Variants in LRRTM4 observed in about 807,000 individuals in gnomAD.
The protein encoded by LRRTM4 is leucine-rich repeat transmembrane neuronal protein 4.
LRRTM4 carries 25 observed loss-of-function variants against 47.6 expected under a neutral mutation model. The ratio of observed to expected loss-of-function variants is 0.53; its 90% CI spans 0.38 to 0.73. LRRTM4 has a LOEUF of 0.73. LRRTM4 is among the 30% of genes least tolerant of loss of function. LRRTM4 has a pLI of 0.00. For missense variants in LRRTM4, 638 were observed against 713.4 expected (o/e 0.89, Z 1.20); for synonymous variants, 311 against 269.5 (o/e 1.15, Z -1.51).
intron 3 of LRRTM4, among the ~76,000 whole-genome samples, chr2:77,092,427 C>T (rs1014782097): frequency 6.8e-6 from 1 of 148,112 alleles, no homozygotes; most frequent in Non-Finnish European, 1.5e-5. Flanking sequence ...GTACAAGCCA[C>T]TAGCCTGCCT....
At chr2:77,248,420 T>C (rs542531353) in intron 3 of LRRTM4, among the ~76,000 whole-genome samples, 22 of 152,126 alleles carry the variant, frequency 1.4e-4, no homozygotes, top group African/African-American at 5.1e-4. Flanking sequence ...TGCAGAGATA[T>C]TCCATGTTTA....
chr2:76,793,036 T>C lies in LRRTM4; in HGVS notation c.1552-44120A>G, dbSNP rs192622920. 4.6e-3 allele frequency among the ~76,000 whole-genome samples: 696 copies of C among 152,278 alleles called. 5 individuals carry two copies. The highest frequency in any genetic ancestry group is 5.9e-3 in the Non-Finnish European group (404 of 68,012). ...CTACTACTCTGAAAATATTACACAC[T>C]TGCCAGTGAGAAAAATCAAGGCTTT... On this transcript the variant is annotated intron_variant, in intron 3 of 3. Transcript: ENST00000409884.
At chr2:77,224,389 A>G (rs1299272766) in intron 3 of LRRTM4, among the ~76,000 whole-genome samples, 2 of 152,214 alleles carry the variant, frequency 1.3e-5, no homozygotes, top group Non-Finnish European at 1.5e-5. Flanking sequence ...GAGCTTCTGC[A>G]CAGCAAAAGA....
At chr2:77,048,363 A>G (rs1558548845) in intron 3 of LRRTM4, among the ~76,000 whole-genome samples, 1 of 152,062 alleles carries the variant, frequency 6.6e-6, no homozygotes. Context: ...AAGTTTTAGC[A>G]TGAATTATTT....
At position 77,522,205 on chromosome 2, in the gene LRRTM4, T is replaced by C; in HGVS notation, c.-244A>G. 1 of 698,420 alleles carries C rather than the reference T, an allele frequency of 1.4e-6. No individual in the cohort carries two copies. Among genetic ancestry groups the C allele is most frequent in the South Asian group, 1.5e-5 (1 of 65,650 alleles). The allele number at this position is 698,420 out of a possible 1,614,324, so 43.3% of individuals were successfully genotyped here. A position where few individuals can be genotyped will look rare whatever the true frequency, so the allele number is the denominator to read the frequency against. On this transcript the variant is annotated 5_prime_UTR_variant, in exon 1 of 4. In the 5' UTR this introduces an upstream ATG that the reference lacks. Transcript: ENST00000409884. Reference sequence around the variant, plus strand: ...TGAAGCAAGTAGGCCTCCTGTGCTGTATGAGACCCCAGTTTAAAAGCTATG... The same window carrying C: ...TGAAGCAAGTAGGCCTCCTGTGCTGCATGAGACCCCAGTTTAAAAGCTATG...
intron 3 of LRRTM4, among the ~76,000 whole-genome samples, chr2:77,240,745 A>T (rs1675236364): frequency 6.6e-6 from 1 of 152,022 alleles, no homozygotes; most frequent in Non-Finnish European, 1.5e-5. Context: ...ATCAAATTGT[A>T]TTGCATTTTT....
At chr2:77,251,676 C>T (rs1001967266) in intron 3 of LRRTM4, among the ~76,000 whole-genome samples, 1 of 152,050 alleles carries the variant, frequency 6.6e-6, no homozygotes, top group East Asian at 1.9e-4. Context: ...ATATAATAGC[C>T]AAGGCCATGG....
chr2:77,063,272 T>C (rs1437047712), intron 3 of LRRTM4, among the ~76,000 whole-genome samples: 3 of 152,168 alleles, frequency 2.0e-5, no homozygotes, highest in East Asian at 1.9e-4. Flanking sequence ...CTTGTTCTTT[T>C]TATGGTAGCA....
At chr2:77,241,015 C>G (rs1370029206) in intron 3 of LRRTM4, among the ~76,000 whole-genome samples, 2 of 151,642 alleles carry the variant, frequency 1.3e-5, no homozygotes, top group Non-Finnish European at 2.9e-5. Context: ...CATTTTTAAC[C>G]AAATCATATT....
rs75002867 is a variant in LRRTM4, at chr2:77,228,879, A to C, written c.1551+289439T>G. On this transcript the variant is annotated intron_variant, in intron 3 of 3. Transcript: ENST00000409884. The stretch of plus-strand genomic sequence containing the variant: ...GAATAAGTGTGCATGAGGGATCCAC[A>C]CATCTGTTACCTCTCCTGTCTCCCA... 6.1e-3 allele frequency among the ~76,000 whole-genome samples: 922 copies of C among 152,268 alleles called. 6 individuals are homozygous for C. Among genetic ancestry groups the C allele is most frequent in the South Asian group, 0.011 (52 of 4,830 alleles).
Position 76,790,869 on chromosome 2 carries a change from G to A in LRRTM4, c.1552-41953C>T, listed in dbSNP as rs570814934. Among the ~76,000 whole-genome samples, 5 of 152,262 alleles carry A rather than the reference G, an allele frequency of 3.3e-5. No homozygotes were observed. The East Asian group carries it at 9.7e-4, about 29-fold the overall frequency. On this transcript the variant is annotated intron_variant, in intron 3 of 3. Coordinates refer to ENST00000409884, the MANE Select transcript of LRRTM4 (RefSeq NM_001134745.3). ...TACTAGAAAACATGATGTAGGCAAT[G>A]ATGCTGTCTGACTGAATCCCACAGC... is the stretch of plus-strand genomic sequence containing the variant.
chr2:76,781,007 G>T (rs1393789854), intron 3 of LRRTM4, among the ~76,000 whole-genome samples: 1 of 152,252 alleles, frequency 6.6e-6, no homozygotes, highest in African/African-American at 2.4e-5. Flanking sequence ...AGGTCTGTTG[G>T]AATACCCTGC....
chr2:77,218,852 T>G (rs1171156663), intron 3 of LRRTM4, among the ~76,000 whole-genome samples: 1 of 152,186 alleles, frequency 6.6e-6, no homozygotes, highest in African/African-American at 2.4e-5. Context: ...CTGAGCATTG[T>G]TGATGCTGAG....
chr2:77,020,645 T>G lies in LRRTM4; in HGVS notation c.1552-271729A>C, dbSNP rs77082835. On this transcript the variant is annotated intron_variant, in intron 3 of 3. Coordinates refer to ENST00000409884, the MANE Select transcript of LRRTM4 (RefSeq NM_001134745.3). ...TAACGAACAAAAAGCCAGAGGTAGT[T>G]CAAAATGAAAAAATATCTCTATGCA... Among the ~76,000 whole-genome samples, 820 of 152,146 alleles carry G rather than the reference T, an allele frequency of 5.4e-3. 5 individuals are homozygous for G. Among genetic ancestry groups the G allele is most frequent in the Middle Eastern group, 0.031 (9 of 294 alleles).
intron 3 of LRRTM4, among the ~76,000 whole-genome samples, chr2:76,807,949 CTT>C (rs10643892): frequency 0.015 from 2,051 of 139,926 alleles, 67 homozygotes; most frequent in East Asian, 0.11. Context: ...TTCTTTCTTT[CTT>C]TCTTTTTCTT....
chr2:77,019,805 A>G (rs1208614135), intron 3 of LRRTM4, among the ~76,000 whole-genome samples: 3 of 152,256 alleles, frequency 2.0e-5, no homozygotes, highest in Admixed American at 2.0e-4. Context: ...AGGCTCCAAT[A>G]TAATAAAAAT....
intron 3 of LRRTM4, among the ~76,000 whole-genome samples, chr2:76,992,713 A>G (rs1352757201): frequency 6.6e-6 from 1 of 151,682 alleles, no homozygotes; most frequent in African/African-American, 2.4e-5. Flanking sequence ...AACAACCTGT[A>G]GATTCAATGC....
chr2:77,014,172 T>G lies in LRRTM4; in HGVS notation c.1552-265256A>C, dbSNP rs1348499703. On this transcript the variant is annotated intron_variant, in intron 3 of 3. Coordinates refer to ENST00000409884, the MANE Select transcript of LRRTM4 (RefSeq NM_001134745.3). ...AGCAAGGCTGAGTAGAGAGGGCGGA[T>G]CAAGAGGAGTATACAAAGGCAAACA... Among the ~76,000 whole-genome samples the G allele has an allele frequency of 2.6e-5, 4 of 151,928 alleles. No individual in the cohort carries two copies. The East Asian group carries it at 7.7e-4, about 29-fold the overall frequency.
Position 76,906,068 on chromosome 2 carries a change from A to G in LRRTM4, c.1552-157152T>C, listed in dbSNP as rs188880867. On this transcript the variant is annotated intron_variant, in intron 3 of 3. Coordinates refer to ENST00000409884, the MANE Select transcript of LRRTM4 (RefSeq NM_001134745.3). ...GTCAGATTCACTAAAGTTGAAATGA[A>G]GGAAAAAATGTTAAGGGCAGCCAGA... 3.4e-3 allele frequency among the ~76,000 whole-genome samples: 525 copies of G among 152,292 alleles called. 3 individuals are homozygous for G. The highest frequency in any genetic ancestry group is 0.012 in the African/African-American group (503 of 41,568).
Sources: gnomAD v4.1 joint callset for allele counts (sites outside exome capture counted in the v4.1 genomes callset) on GRCh38, gnomAD v4.1.1 for gene constraint, MANE v1.5 for transcripts, NCBI Gene and HGNC (gene_info 2026-07-23, HGNC 2026-07-21) for gene names.